PAK1: variants seen among roughly 807,000 people sequenced by gnomAD.
PAK1 encodes serine/threonine-protein kinase PAK 1.
In PAK1, 29 loss-of-function variants were observed where a neutral mutation model predicts 67.4. That is an observed-to-expected ratio of 0.43 (90% CI 0.32 to 0.59). PAK1 has a LOEUF of 0.59. Among genes scored for constraint, PAK1 ranks in the 20% least tolerant of loss-of-function variants. The probability of loss-of-function intolerance (pLI) is 0.07; values close to 1 mark genes in which losing one functional copy is unlikely to be tolerated. For synonymous variants in PAK1, 223 were observed against 237.4 expected (o/e 0.94, Z 0.56); for missense variants, 337 against 670.7 (o/e 0.50, Z 5.50).
In PAK1 at chr11:77,384,453, T is replaced by TA; in HGVS notation, c.191-4460dup. ...AAACTTATGTCTACACAAAAACTTGTATGTGAATGTTCACATTAGCTTATT... is the reference window on the plus strand; with the variant it reads ...AAACTTATGTCTACACAAAAACTTGTAATGTGAATGTTCACATTAGCTTATT... On this transcript the variant is annotated intron_variant, in intron 2 of 14. Coordinates refer to ENST00000356341, the MANE Select transcript of PAK1 (RefSeq NM_002576.5). Among the ~76,000 whole-genome samples, 7 of 152,346 alleles carry TA rather than the reference T, an allele frequency of 4.6e-5. No individual in the cohort carries two copies. The South Asian group carries it at 1.4e-3, about 32-fold the overall frequency.
chr11:77,448,955 A>G (rs1260669119), intron 1 of PAK1, among the ~76,000 whole-genome samples: 1 of 152,260 alleles, frequency 6.6e-6, no homozygotes, highest in African/African-American at 2.4e-5. Context: ...GACAGATTTA[A>G]GAAGGTGGAT....
intron 12 of PAK1, among the ~76,000 whole-genome samples, chr11:77,336,629 C>G (rs897742154): frequency 2.0e-5 from 3 of 152,186 alleles, no homozygotes; most frequent in Non-Finnish European, 4.4e-5. Flanking sequence ...AATCCCAAAT[C>G]TGGCGACTAG....
chr11:77,524,416 C>A, the PAK1 span, among the ~76,000 whole-genome samples: 210 of 152,332 alleles, frequency 1.4e-3, no homozygotes, highest in Non-Finnish European at 1.4e-3. Flanking sequence ...TCCTAGCATG[C>A]CTCATGCCAC....
intron 5 of PAK1, among the ~76,000 whole-genome samples, chr11:77,363,534 T>A (rs939738041): frequency 1.3e-5 from 2 of 152,246 alleles, no homozygotes; most frequent in Non-Finnish European, 2.9e-5. Context: ...CTTAGCCTCA[T>A]AACCACTGCT....
intron 1 of PAK1, chr11:77,397,108 T>C (rs1951931409): frequency 6.6e-6 from 1 of 152,256 alleles, no homozygotes; most frequent in African/African-American, 2.4e-5. Flanking sequence ...AATATAAAGC[T>C]AGGCATGAGG....
At chr11:77,425,999 C>T (rs1418879125) in intron 1 of PAK1, among the ~76,000 whole-genome samples, 5 of 151,916 alleles carry the variant, frequency 3.3e-5, no homozygotes, top group Admixed American at 3.3e-4. Context: ...AATCTTCCCA[C>T]CTCAGCCTCC....
the PAK1 span, among the ~76,000 whole-genome samples, chr11:77,489,664 T>C: frequency 6.6e-6 from 1 of 151,922 alleles, no homozygotes; most frequent in Non-Finnish European, 1.5e-5. Context: ...TTGGCCGGGC[T>C]GGTCTCCAGC....
At chr11:77,523,124 G>A in the PAK1 span, among the ~76,000 whole-genome samples, 1 of 152,188 alleles carries the variant, frequency 6.6e-6, no homozygotes, top group South Asian at 2.1e-4. Flanking sequence ...TGGGTACTAT[G>A]CTCACTACCT....
intron 6 of PAK1, among the ~76,000 whole-genome samples, chr11:77,358,670 C>T (rs1946368090): frequency 6.6e-6 from 1 of 152,068 alleles, no homozygotes; most frequent in African/African-American, 2.4e-5. Flanking sequence ...ACATCAATTA[C>T]CTAGGACACT....
intron 5 of PAK1, among the ~76,000 whole-genome samples, chr11:77,371,730 C>G (rs1418037523): frequency 6.6e-6 from 1 of 152,198 alleles, no homozygotes; most frequent in East Asian, 1.9e-4. Flanking sequence ...GAGCACTGAG[C>G]TAGTGCTGGA....
chr11:77,506,668 G>A, the PAK1 span, among the ~76,000 whole-genome samples: 9 of 152,102 alleles, frequency 5.9e-5, no homozygotes, highest in African/African-American at 1.2e-4. Flanking sequence ...GTGGGTTGTC[G>A]GGGTGGTTGA....
chr11:77,347,411 T>C (rs1291106550), intron 9 of PAK1, among the ~76,000 whole-genome samples: 1 of 151,904 alleles, frequency 6.6e-6, no homozygotes, highest in Non-Finnish European at 1.5e-5. Context: ...AGTACAACTT[T>C]GCAAAAAAAA....
At chr11:77,415,704 G>C (rs1000971906) in intron 1 of PAK1, among the ~76,000 whole-genome samples, 1 of 152,074 alleles carries the variant, frequency 6.6e-6, no homozygotes, top group Non-Finnish European at 1.5e-5. Flanking sequence ...CAGTGAGTGA[G>C]AGGTAAGTGA....
At chr11:77,427,664 T>C (rs780817401) in intron 1 of PAK1, among the ~76,000 whole-genome samples, 1 of 152,098 alleles carries the variant, frequency 6.6e-6, no homozygotes, top group Non-Finnish European at 1.5e-5. Context: ...TGCCCTGTGT[T>C]GAGTGCATTC....
At chr11:77,496,104 C>T in the PAK1 span, among the ~76,000 whole-genome samples, 7 of 151,536 alleles carry the variant, frequency 4.6e-5, no homozygotes, top group African/African-American at 9.7e-5. Context: ...CTGCAACCTC[C>T]GCTTCCCAGG....
chr11:77,408,294 T>C (rs1394617110), intron 1 of PAK1: 1 of 152,096 alleles, frequency 6.6e-6, no homozygotes, highest in Non-Finnish European at 1.5e-5. Flanking sequence ...ATGGATGCAA[T>C]ATTCAAAGCT....
chr11:77,514,925 C>T, the PAK1 span: 8 of 152,124 alleles, frequency 5.3e-5, no homozygotes, highest in South Asian at 8.3e-4. Context: ...CTCAGACCAT[C>T]CGAGGTTTCT....
In PAK1 at chr11:77,353,463, A is replaced by G. The variant is rs2136461750; in HGVS notation, c.836+73T>C. The G allele has an allele frequency of 4.4e-6, 5 of 1,148,714 alleles. No homozygotes were observed. In the East Asian group the frequency reaches 7.0e-5, roughly 16 times the overall value. The allele number at this position is 1,148,714 out of a possible 1,614,324, so 71.2% of individuals were successfully genotyped here. On this transcript the variant is annotated intron_variant, in intron 8 of 14. Transcript: ENST00000356341. ...AACAAGGTTTATGAGAGGCAAAAAA[A>G]AAGCAAAATCATATATGCCGGCACA...
At chr11:77,384,766 A>G (rs547084742) in intron 2 of PAK1, among the ~76,000 whole-genome samples, 2 of 152,318 alleles carry the variant, frequency 1.3e-5, no homozygotes, top group African/African-American at 4.8e-5. Flanking sequence ...AACGACTGCA[A>G]TGAGTATGAG....
Sources: allele counts gnomAD v4.1 joint callset (sites outside exome capture counted in the v4.1 genomes callset), GRCh38; gene constraint gnomAD v4.1.1; transcripts MANE v1.5; gene names NCBI Gene and HGNC (gene_info 2026-07-23, HGNC 2026-07-21).